GALNT13: variants seen among roughly 807,000 people sequenced by gnomAD.
GALNT13 encodes the protein polypeptide N-acetylgalactosaminyltransferase 13.
Under a neutral mutation model 64.2 loss-of-function variants are expected in GALNT13, and 28 were observed. The ratio of observed to expected loss-of-function variants is 0.44; its 90% CI spans 0.32 to 0.60. The LOEUF is 0.60. Ranked by LOEUF, GALNT13 falls within the 20% of genes least tolerant of loss-of-function variation. The pLI, the probability that GALNT13 is intolerant of heterozygous loss-of-function variation, is 0.05. For synonymous variants in GALNT13, 214 were observed against 224.6 expected, an observed-to-expected ratio of 0.95 and a Z score of 0.42; for missense variants, 577 against 669.8, an observed-to-expected ratio of 0.86 and a Z score of 1.53.
chr2:153,980,729 T>C (rs944171298), intron 3 of GALNT13, among the ~76,000 whole-genome samples: 1 of 152,140 alleles, frequency 6.6e-6, no homozygotes, highest in Non-Finnish European at 1.5e-5. Context: ...TGGAAAAACT[T>C]CTCTACTCAT....
intron 3 of GALNT13, among the ~76,000 whole-genome samples, chr2:154,040,907 G>A (rs1181855154): frequency 1.4e-5 from 2 of 139,088 alleles, no homozygotes; most frequent in Admixed American, 7.2e-5. Context: ...TTAGATGCTC[G>A]AATCCTCCAT....
the GALNT13 span, among the ~76,000 whole-genome samples, chr2:153,833,404 T>C: frequency 2.0e-5 from 3 of 152,034 alleles, no homozygotes; most frequent in Non-Finnish European, 4.4e-5. Context: ...TATTTAAAAG[T>C]AGAAACATGA....
At chr2:153,536,554 G>T in the GALNT13 span, among the ~76,000 whole-genome samples, 1 of 152,088 alleles carries the variant, frequency 6.6e-6, no homozygotes, top group African/African-American at 2.4e-5. Context: ...CCAGGAGAGA[G>T]ATATCAAGTT....
the GALNT13 span, among the ~76,000 whole-genome samples, chr2:153,810,138 T>A: frequency 6.6e-6 from 1 of 151,960 alleles, no homozygotes; most frequent in Admixed American, 6.6e-5. Flanking sequence ...TTTTTTTGTA[T>A]TTTTTTAGTA....
At chr2:154,354,243 T>G (rs1222608286) in intron 9 of GALNT13, among the ~76,000 whole-genome samples, 1 of 152,156 alleles carries the variant, frequency 6.6e-6, no homozygotes, top group Admixed American at 6.6e-5. Flanking sequence ...ATTTTTTAAT[T>G]GGGTTGTTTT....
At chr2:154,240,655 A>T (rs1689432301) in intron 4 of GALNT13, among the ~76,000 whole-genome samples, 1 of 152,116 alleles carries the variant, frequency 6.6e-6, no homozygotes, top group African/African-American at 2.4e-5. Flanking sequence ...TTAGGGCCCT[A>T]GTGGGAGCGT....
At chr2:154,402,021 A>T (rs1699324042) in intron 10 of GALNT13, among the ~76,000 whole-genome samples, 1 of 152,202 alleles carries the variant, frequency 6.6e-6, no homozygotes, top group South Asian at 2.1e-4. Flanking sequence ...TATTAACATT[A>T]AGCTCTGGAA....
At chr2:154,019,740 G>A (rs972043825) in intron 3 of GALNT13, among the ~76,000 whole-genome samples, 5 of 151,132 alleles carry the variant, frequency 3.3e-5, no homozygotes, top group African/African-American at 1.2e-4. Context: ...TAGAGTACAT[G>A]TGCACAACGT....
intron 9 of GALNT13, among the ~76,000 whole-genome samples, chr2:154,326,264 C>A (rs1694868200): frequency 6.6e-6 from 1 of 151,382 alleles, no homozygotes; most frequent in Admixed American, 6.6e-5. Flanking sequence ...AACATTGAAT[C>A]CTTTAATTCT....
At chr2:154,137,847 C>T (rs1459561300) in intron 3 of GALNT13, among the ~76,000 whole-genome samples, 3 of 151,972 alleles carry the variant, frequency 2.0e-5, no homozygotes. Context: ...AAATATGCCA[C>T]TTTGTCATAT....
chr2:154,107,498 G>C (rs1702686639), intron 3 of GALNT13, among the ~76,000 whole-genome samples: 1 of 150,044 alleles, frequency 6.7e-6, no homozygotes, highest in African/African-American at 2.5e-5. Flanking sequence ...GCTGAGGCAA[G>C]AGAATCACTT....
chr2:153,421,235 C>T, the GALNT13 span: 7 of 181,298 alleles, frequency 3.9e-5, no homozygotes, highest in East Asian at 1.5e-4. Context: ...GGTACCAGGT[C>T]GGTCTGGAAT....
chr2:153,187,022 C>A, the GALNT13 span, among the ~76,000 whole-genome samples: 1 of 152,006 alleles, frequency 6.6e-6, no homozygotes, highest in Non-Finnish European at 1.5e-5. Flanking sequence ...TCCAAGATTG[C>A]CATAAGAATT....
At chr2:154,089,673 C>T (rs916418706) in intron 3 of GALNT13, among the ~76,000 whole-genome samples, 2 of 151,742 alleles carry the variant, frequency 1.3e-5, no homozygotes, top group Non-Finnish European at 2.9e-5. Context: ...TTCTCTCATG[C>T]TCAGCTGTGG....
the GALNT13 span, among the ~76,000 whole-genome samples, chr2:153,775,595 T>TA: frequency 6.6e-6 from 1 of 152,122 alleles, no homozygotes; most frequent in Non-Finnish European, 1.5e-5. Flanking sequence ...TTATAAAAGA[T>TA]ACATAATTCC....
At chr2:153,602,691 G>T in the GALNT13 span, among the ~76,000 whole-genome samples, 2 of 151,766 alleles carry the variant, frequency 1.3e-5, no homozygotes, top group South Asian at 2.1e-4. Flanking sequence ...GATTTCATAA[G>T]GCTTTGGAGA....
chr2:154,213,146 A>T (rs1204552414), intron 4 of GALNT13, among the ~76,000 whole-genome samples: 3 of 152,178 alleles, frequency 2.0e-5, no homozygotes, highest in Non-Finnish European at 4.4e-5. Flanking sequence ...TCTGTCACCC[A>T]GGCTGGAGTG....
intron 9 of GALNT13, among the ~76,000 whole-genome samples, chr2:154,324,302 C>A (rs1282180871): frequency 6.6e-6 from 1 of 151,640 alleles, no homozygotes; most frequent in Non-Finnish European, 1.5e-5. Flanking sequence ...TTAATAGTCT[C>A]AATTAAGTCT....
At chr2:154,070,089 T>C (rs1700666025) in intron 3 of GALNT13, among the ~76,000 whole-genome samples, 1 of 152,162 alleles carries the variant, frequency 6.6e-6, no homozygotes. Context: ...AAATGAATGC[T>C]CATCCTACTG....
Sources: allele counts gnomAD v4.1 joint callset (sites outside exome capture counted in the v4.1 genomes callset), GRCh38; gene constraint gnomAD v4.1.1; transcripts MANE v1.5; gene names NCBI Gene and HGNC (gene_info 2026-07-23, HGNC 2026-07-21).